The following ZFHX3 variants were observed in gnomAD, a reference collection of about 807,000 sequenced individuals.
ZFHX3 encodes zinc finger homeobox 3, also known as zinc finger homeobox protein 3.
In ZFHX3, 42 loss-of-function variants were observed where a neutral mutation model predicts 279.1. That is an observed-to-expected ratio of 0.15 (90% CI 0.12 to 0.19). The LOEUF is 0.19. Among genes scored for constraint, ZFHX3 ranks in the 10% least tolerant of loss-of-function variants. The probability of loss-of-function intolerance (pLI) is 1.00; values close to 1 mark genes in which losing one functional copy is unlikely to be tolerated. For missense variants in ZFHX3, 4,981 were observed against 4,754.0 expected (o/e 1.05, Z -1.40); for synonymous variants, 2,293 against 1,957.8 (o/e 1.17, Z -4.52).
At chr16:72,859,123 T>C (rs914034936) in intron 4 of ZFHX3, among the ~76,000 whole-genome samples, 5 of 152,220 alleles carry the variant, frequency 3.3e-5, no homozygotes, top group African/African-American at 1.2e-4. Flanking sequence ...CACAGCTTGA[T>C]GTTTCCAAAA....
At chr16:73,761,421 A>G (rs192895089) in intron 1 of ZFHX3, among the ~76,000 whole-genome samples, 1 of 152,308 alleles carries the variant, frequency 6.6e-6, no homozygotes, top group African/African-American at 2.4e-5. Context: ...AAAGTAATTT[A>G]TACATTCAAT....
At chr16:72,927,198 T>A (rs574003043) in intron 3 of ZFHX3, among the ~76,000 whole-genome samples, 2 of 152,372 alleles carry the variant, frequency 1.3e-5, no homozygotes, top group Non-Finnish European at 1.5e-5. Context: ...TTGGTTAAAA[T>A]AAAATAATTT....
At chr16:73,449,487 C>T (rs114703088) in intron 3 of ZFHX3, among the ~76,000 whole-genome samples, 6 of 152,010 alleles carry the variant, frequency 3.9e-5, no homozygotes, top group Non-Finnish European at 8.8e-5. Flanking sequence ...CATAGCAAGA[C>T]CCCATCTCAA....
At chr16:73,153,653 T>A (rs948291524) in intron 5 of ZFHX3, among the ~76,000 whole-genome samples, 3 of 152,052 alleles carry the variant, frequency 2.0e-5, no homozygotes, top group Admixed American at 6.6e-5. Flanking sequence ...TCTTTTTTTA[T>A]TTTATTTTAT....
At chr16:73,335,729 G>C (rs895817182) in intron 3 of ZFHX3, among the ~76,000 whole-genome samples, 2 of 152,168 alleles carry the variant, frequency 1.3e-5, no homozygotes, top group East Asian at 3.8e-4. Flanking sequence ...GATTTGAATT[G>C]AAAGGGGCTG....
intron 3 of ZFHX3, among the ~76,000 whole-genome samples, chr16:72,927,565 T>G (rs952155711): frequency 1.3e-5 from 2 of 152,160 alleles, no homozygotes; most frequent in Non-Finnish European, 2.9e-5. Context: ...TAAAAATATC[T>G]CGTGACTTGG....
At chr16:72,939,431 G>C (rs1455158966) in intron 3 of ZFHX3, among the ~76,000 whole-genome samples, 1 of 152,214 alleles carries the variant, frequency 6.6e-6, no homozygotes, top group Non-Finnish European at 1.5e-5. Flanking sequence ...ACTCTGCTAA[G>C]ACACTCCCTG....
At chr16:73,372,891 A>G (rs1364109897) in intron 3 of ZFHX3, among the ~76,000 whole-genome samples, 2 of 152,174 alleles carry the variant, frequency 1.3e-5, no homozygotes, top group African/African-American at 4.8e-5. Context: ...TCCGAAACAT[A>G]CACCCTCGCA....
rs1490604550 is a variant in ZFHX3, at chr16:73,263,192, C to T, written c.-1193-6056G>A. Among the ~76,000 whole-genome samples the T allele has an allele frequency of 2.7e-5, 4 of 150,438 alleles. No homozygotes were observed. The South Asian group carries it at 6.3e-4, about 24-fold the overall frequency. On this transcript the variant is annotated intron_variant, in intron 4 of 17. Coordinates refer to the ZFHX3 transcript ENST00000641206. Reference sequence around the variant, plus strand: ...CATTTACAATTCACTTTCAGGAAGTCCTTTTTTTTTTTTTTAATTTAGAGA... The same window carrying T: ...CATTTACAATTCACTTTCAGGAAGTTCTTTTTTTTTTTTTTAATTTAGAGA...
chr16:73,103,480 C>T (rs571414345), intron 7 of ZFHX3, among the ~76,000 whole-genome samples: 5 of 152,240 alleles, frequency 3.3e-5, no homozygotes, highest in South Asian at 2.1e-4. Context: ...AGATGCTTGG[C>T]GAGAATTAAT....
At chr16:72,991,769 C>T (rs1963104655) in intron 1 of ZFHX3, among the ~76,000 whole-genome samples, 1 of 152,170 alleles carries the variant, frequency 6.6e-6, no homozygotes. Flanking sequence ...TCTTTTCCAT[C>T]ATCTTTTTTC....
At chr16:73,495,931 G>A (rs1490544908) in intron 2 of ZFHX3, among the ~76,000 whole-genome samples, 1 of 152,076 alleles carries the variant, frequency 6.6e-6, no homozygotes, top group Non-Finnish European at 1.5e-5. Flanking sequence ...CCTATTGTGG[G>A]TTACATCACT....
At chr16:73,863,730 CTTCT>C (rs1312590701) in intron 1 of ZFHX3, among the ~76,000 whole-genome samples, 1 of 152,076 alleles carries the variant, frequency 6.6e-6, no homozygotes. Flanking sequence ...ATTTTTATGC[CTTCT>C]TTATGTCTTG....
chr16:73,127,281 T>C (rs1966585281), intron 7 of ZFHX3: 2 of 1,237,710 alleles, frequency 1.6e-6, no homozygotes, highest in Non-Finnish European at 2.1e-6. Context: ...TGGAGGAAAC[T>C]GACAGGCAGA....
intron 3 of ZFHX3, among the ~76,000 whole-genome samples, chr16:73,340,522 A>C (rs1362128443): frequency 6.6e-6 from 1 of 152,118 alleles, no homozygotes; most frequent in African/African-American, 2.4e-5. Context: ...ACGTCCAGCT[A>C]CTTTGGTTTT....
intron 4 of ZFHX3, among the ~76,000 whole-genome samples, chr16:73,258,812 CTT>C (rs1817252515): frequency 6.6e-6 from 1 of 152,130 alleles, no homozygotes; most frequent in African/African-American, 2.4e-5. Context: ...TTCTTTTAGA[CTT>C]TCTCAATTCT....
chr16:73,231,301 G>T (rs1247777321), intron 5 of ZFHX3, among the ~76,000 whole-genome samples: 2 of 152,160 alleles, frequency 1.3e-5, no homozygotes, highest in Admixed American at 6.5e-5. Context: ...ACACTCTTGC[G>T]TTCACTTTCC....
intron 1 of ZFHX3, among the ~76,000 whole-genome samples, chr16:73,754,402 T>G (rs1409875942): frequency 6.6e-6 from 1 of 152,172 alleles, no homozygotes; most frequent in Non-Finnish European, 1.5e-5. Context: ...GAGAGAGGTT[T>G]GTACGTTTTA....
At chr16:73,652,807 T>C (rs918846551) in intron 2 of ZFHX3, among the ~76,000 whole-genome samples, 3 of 152,104 alleles carry the variant, frequency 2.0e-5, no homozygotes, top group African/African-American at 4.8e-5. Context: ...TATTTCCATA[T>C]GAATACAAAA....
Sources: allele counts gnomAD v4.1 joint callset (sites outside exome capture counted in the v4.1 genomes callset), GRCh38; gene constraint gnomAD v4.1.1; transcripts MANE v1.5; gene names NCBI Gene and HGNC (gene_info 2026-07-23, HGNC 2026-07-21).